ORC2: variants seen among roughly 807,000 people sequenced by gnomAD.
ORC2 encodes the protein origin recognition complex protein 2 homolog.
A neutral mutation model predicts 77.7 loss-of-function variants in ORC2; 37 were observed. That is an observed-to-expected ratio of 0.48 (90% CI 0.37 to 0.63). The LOEUF (loss-of-function observed/expected upper bound fraction) is 0.63, where lower values mean the gene tolerates loss of function less well. Ranked by LOEUF, ORC2 falls within the 20% of genes least tolerant of loss-of-function variation. The pLI, the probability that ORC2 is intolerant of heterozygous loss-of-function variation, is 0.00. For missense variants in ORC2, 557 were observed against 661.9 expected, an observed-to-expected ratio of 0.84 and a Z score of 1.74; for synonymous variants, 201 against 229.5, an observed-to-expected ratio of 0.88 and a Z score of 1.12.
intron 11 of ORC2, among the ~76,000 whole-genome samples, chr2:200,927,290 C>A (rs1444239129): frequency 6.6e-6 from 1 of 151,910 alleles, no homozygotes; most frequent in Non-Finnish European, 1.5e-5. Flanking sequence ...TGCCATGTTG[C>A]CCAGGCTGGT....
chr2:200,917,286 C>T (rs988631945), intron 15 of ORC2, among the ~76,000 whole-genome samples: 3 of 152,114 alleles, frequency 2.0e-5, no homozygotes, highest in Middle Eastern at 3.2e-3. Context: ...TGAGCCACCG[C>T]GCCCAGCCTG....
chr2:200,955,202 T>C (rs2041446075), intron 4 of ORC2, among the ~76,000 whole-genome samples: 1 of 152,240 alleles, frequency 6.6e-6, no homozygotes, highest in African/African-American at 2.4e-5. Context: ...CTTTGTGGAA[T>C]ACTGTTATCA....
intron 4 of ORC2, among the ~76,000 whole-genome samples, chr2:200,951,285 T>C (rs906225192): frequency 6.6e-6 from 1 of 152,190 alleles, no homozygotes; most frequent in Non-Finnish European, 1.5e-5. Context: ...ACCTCTTTGT[T>C]GCTTCCAAGT....
chr2:200,952,093 A>C (rs2041367739), intron 4 of ORC2, among the ~76,000 whole-genome samples: 1 of 152,032 alleles, frequency 6.6e-6, no homozygotes, highest in Admixed American at 6.6e-5. Context: ...CCATTTACTG[A>C]CCAGTTCATC....
chr2:200,911,445 C>CTA, intron 17 of ORC2, 58 bp from the exon 18 acceptor site: 1 of 912,150 alleles, frequency 1.1e-6, no homozygotes, highest in South Asian at 1.5e-5. Flanking sequence ...ATGAACTCTT[C>CTA]TATTGTAGAG....
At chr2:200,944,744 TG>T (rs1303983298) in intron 5 of ORC2, among the ~76,000 whole-genome samples, 1 of 152,208 alleles carries the variant, frequency 6.6e-6, no homozygotes. Context: ...CTTCCTATGT[TG>T]CTCAGGCTGG....
At position 200,920,409 on chromosome 2, in the gene ORC2, A is replaced by G; in HGVS notation, c.1295-16T>C. ...TGATCCCACACTAGCACATGATCAA[A>G]GAAAACAAGAATTACAAATTATTTT... On this transcript the variant is annotated splice_polypyrimidine_tract_variant and intron_variant, in intron 14 of 17. Coordinates refer to ENST00000234296, the MANE Select transcript of ORC2 (RefSeq NM_006190.5). 2 of 1,482,794 alleles carry G rather than the reference A, an allele frequency of 1.3e-6. No individual in the cohort carries two copies. The highest frequency in any genetic ancestry group is 1.8e-6 in the Non-Finnish European group (2 of 1,108,658). 91.9% of individuals were successfully genotyped at this position (1,482,794 alleles called of 1,614,324 possible). A position where few individuals can be genotyped will look rare whatever the true frequency, so the allele number is the denominator to read the frequency against.
intron 1 of ORC2, among the ~76,000 whole-genome samples, chr2:200,962,814 G>A (rs977754760): frequency 7.2e-5 from 11 of 152,158 alleles, no homozygotes; most frequent in Admixed American, 6.5e-4. Flanking sequence ...TTAACTGCGG[G>A]AAAGTGTAAT....
chr2:200,913,799 A>C, intron 16 of ORC2, 132 bp downstream of exon 16: 1 of 1,420,882 alleles, frequency 7.0e-7, no homozygotes, highest in Non-Finnish European at 9.2e-7. Flanking sequence ...GCTATGTGGC[A>C]GACATACCCA....
rs564012797 is a variant in ORC2 at position 200,953,321 on chromosome 2, T to C, written c.239-3678A>G. ...ATACTACTAGCTATTACAGTTCTTT[T>C]TGTCCGAAGACTGACCTCTGAGAAT... On this transcript the variant is annotated intron_variant, in intron 4 of 17. Coordinates refer to ENST00000234296, the MANE Select transcript of ORC2 (RefSeq NM_006190.5). Among the ~76,000 whole-genome samples the C allele has an allele frequency of 1.8e-4, 28 of 152,188 alleles. No individual in the cohort carries two copies. The South Asian group carries it at 5.4e-3, about 29-fold the overall frequency.
chr2:200,961,925 T>G (rs1052112696), intron 1 of ORC2, among the ~76,000 whole-genome samples: 2 of 152,170 alleles, frequency 1.3e-5, no homozygotes, highest in Admixed American at 6.5e-5. Context: ...GGGACAAGAT[T>G]TTCTAGGAAA....
chr2:200,952,078 C>T (rs1380736809), intron 4 of ORC2, among the ~76,000 whole-genome samples: 1 of 151,884 alleles, frequency 6.6e-6, no homozygotes, highest in East Asian at 1.9e-4. Flanking sequence ...ACAATTGTCC[C>T]ATCACCATTT....
At position 200,910,620 on chromosome 2, in the gene ORC2, G is replaced by A. The variant is rs576239430; in HGVS notation, c.*681C>T. On this transcript the variant is annotated 3_prime_UTR_variant, in exon 18 of 18. Coordinates refer to ENST00000234296, the MANE Select transcript of ORC2 (RefSeq NM_006190.5). ...CAGACAATAACTGTTCCAAATATATGACGTATTGTTCCTGTGCTTTCTAGG... is the reference window on the plus strand; with the variant it reads ...CAGACAATAACTGTTCCAAATATATAACGTATTGTTCCTGTGCTTTCTAGG... The A allele has an allele frequency of 2.6e-5, 4 of 152,216 alleles. No individual in the cohort carries two copies. The South Asian group carries it at 8.3e-4, about 32-fold the overall frequency. The allele number at this position is 152,216 out of a possible 1,614,324, so 9.4% of individuals were successfully genotyped here.
chr2:200,938,868 C>T (rs551251001), intron 7 of ORC2, among the ~76,000 whole-genome samples: 13 of 152,028 alleles, frequency 8.6e-5, no homozygotes, highest in African/African-American at 3.1e-4. Flanking sequence ...GGAGAAATCC[C>T]GTCTCTACTA....
chr2:200,946,727 T>C (rs1315010230), intron 5 of ORC2, among the ~76,000 whole-genome samples: 1 of 152,178 alleles, frequency 6.6e-6, no homozygotes, highest in African/African-American at 2.4e-5. Flanking sequence ...TCTATTTCAC[T>C]TTACAATAAT....
intron 13 of ORC2, among the ~76,000 whole-genome samples, chr2:200,922,426 G>A (rs1324832722): frequency 8.0e-6 from 1 of 124,482 alleles, no homozygotes. Flanking sequence ...CCAAAATACT[G>A]AAACCGTATG....
rs773086262 is a variant in ORC2, at chr2:200,949,603, T to C, written c.279A>G (p.Lys93=). ...KNGSATGGGN[K]VYSFQNRKHS... ...GTTTTCTATTCTGAAAAGAATAAAC[T>C]TTATTTCCACCACCTGTAGCAGAGC... is the stretch of plus-strand genomic sequence containing the variant. The change falls in exon 5 of 18, where the codon AAA becomes AAG. Residue 93 remains lysine (K), a synonymous_variant. Coordinates refer to ENST00000234296, the MANE Select transcript of ORC2 (RefSeq NM_006190.5). 5.0e-6 allele frequency: 8 copies of C among 1,603,404 alleles called. No individual in the cohort carries two copies. In the South Asian group the frequency reaches 8.9e-5, roughly 18 times the overall value.
chr2:200,958,695 T>G (rs1348733472), intron 2 of ORC2, among the ~76,000 whole-genome samples: 1 of 152,212 alleles, frequency 6.6e-6, no homozygotes, highest in Non-Finnish European at 1.5e-5. Context: ...GAATATGGCT[T>G]TCTAGATATC....
intron 5 of ORC2, 166 bp from the exon 6 acceptor site, chr2:200,942,943 T>C: frequency 2.5e-6 from 1 of 404,752 alleles, no homozygotes; most frequent in Non-Finnish European, 4.4e-6. Flanking sequence ...TTATTAGCTG[T>C]CTTCCCAGAA....
Sources: allele counts gnomAD v4.1 joint callset (sites outside exome capture counted in the v4.1 genomes callset), GRCh38; gene constraint gnomAD v4.1.1; transcripts MANE v1.5; gene names NCBI Gene and HGNC (gene_info 2026-07-23, HGNC 2026-07-21).